The following RFC3 variants were observed in gnomAD, a reference collection of about 807,000 sequenced individuals.
The protein encoded by RFC3 is A1 38 kDa subunit.
RFC3 carries 41 observed loss-of-function variants against 45.1 expected under a neutral mutation model. The ratio of observed to expected loss-of-function variants is 0.91; its 90% CI spans 0.71 to 1.18. The LOEUF (loss-of-function observed/expected upper bound fraction) is 1.18. Ranked by LOEUF, RFC3 falls within the 50% of genes most tolerant of loss-of-function variation. The probability of loss-of-function intolerance (pLI) is 0.00; values close to 1 mark genes in which losing one functional copy is unlikely to be tolerated. For synonymous variants in RFC3, 149 were observed against 144.0 expected (o/e 1.03, Z -0.25); for missense variants, 423 against 428.1 (o/e 0.99, Z 0.10).
rs1238744866 is a variant in RFC3, at chr13:33,835,170, C to T, written c.832C>T (p.Leu278=). 1.2e-6 allele frequency: 2 copies of T among 1,608,970 alleles called. No individual in the cohort carries two copies. The highest frequency in any genetic ancestry group is 1.7e-6 in the Non-Finnish European group (2 of 1,175,786). The change falls in exon 8 of 9, where the codon CTG becomes TTG. Residue 278 remains leucine, a synonymous_variant. Coordinates refer to ENST00000380071, the MANE Select transcript of RFC3 (RefSeq NM_002915.4). The part of the protein sequence containing the change: ...PQRLLEVRGR[L]YELLTHCIPP... ...TAGGCTCCTTGAAGTTCGTGGAAGG[C>T]TGTATGAGCTTCTAACTCATTGTAT... is the stretch of plus-strand genomic sequence containing the variant.
At chr13:33,855,790 T>C (rs2137520333) in intron 8 of RFC3, among the ~76,000 whole-genome samples, 1 of 152,322 alleles carries the variant, frequency 6.6e-6, no homozygotes, top group Non-Finnish European at 1.5e-5. Flanking sequence ...GAAAAGTGTC[T>C]GTTCATGTCC....
intron 8 of RFC3, among the ~76,000 whole-genome samples, chr13:33,910,568 G>A (rs1831531885): frequency 6.6e-6 from 1 of 152,074 alleles, no homozygotes; most frequent in African/African-American, 2.4e-5. Flanking sequence ...TGGAAGACAT[G>A]GCACTTGAGT....
chr13:33,874,677 A>G (rs552880407), intron 8 of RFC3, among the ~76,000 whole-genome samples: 21 of 152,266 alleles, frequency 1.4e-4, no homozygotes, highest in Non-Finnish European at 2.1e-4. Context: ...GAGCTCTATG[A>G]TTGGAAGTAG....
At chr13:33,968,334 G>T (rs188327578), downstream of RFC3, among the ~76,000 whole-genome samples, 1 of 152,104 alleles carries the variant, frequency 6.6e-6, no homozygotes, top group Admixed American at 6.6e-5. Flanking sequence ...CACAATGTTG[G>T]CCAGGCTGGT....
chr13:33,832,470 C>G (rs143361127), intron 7 of RFC3, among the ~76,000 whole-genome samples: 53 of 152,178 alleles, frequency 3.5e-4, no homozygotes, highest in African/African-American at 1.3e-3. Flanking sequence ...AACATGTATT[C>G]CCTGGTTACC....
chr13:33,887,122 T>C (rs1301620237), intron 8 of RFC3, among the ~76,000 whole-genome samples: 2 of 145,548 alleles, frequency 1.4e-5, no homozygotes, highest in African/African-American at 2.6e-5. Flanking sequence ...TATAGCAGCA[T>C]GATTTATAGT....
chr13:33,880,007 G>A (rs1471803752), intron 8 of RFC3, among the ~76,000 whole-genome samples: 1 of 152,106 alleles, frequency 6.6e-6, no homozygotes, highest in African/African-American at 2.4e-5. Context: ...CACTTATAAG[G>A]AACCTTGTGA....
At chr13:33,907,366 T>TA (rs1353135618) in intron 8 of RFC3, among the ~76,000 whole-genome samples, 1 of 152,108 alleles carries the variant, frequency 6.6e-6, no homozygotes, top group Non-Finnish European at 1.5e-5. Flanking sequence ...TTAAAAATAA[T>TA]AAATCCTAGA....
chr13:33,835,529 G>A (rs878979457), intron 8 of RFC3: 2 of 521,330 alleles, frequency 3.8e-6, no homozygotes, highest in South Asian at 1.6e-5. Context: ...GGAGGGTGGG[G>A]CTACAAAGAA....
In RFC3 at chr13:33,831,461, A is replaced by G. The variant is rs1040406687; in HGVS notation, c.809+107A>G. The G allele has an allele frequency of 2.0e-5, 13 of 637,582 alleles. No homozygotes were observed. The Admixed American group carries it at 3.5e-4, about 17-fold the overall frequency. 39.5% of individuals were successfully genotyped at this position (637,582 alleles called of 1,614,324 possible). A position where few individuals can be genotyped will look rare whatever the true frequency, so the allele number is the denominator to read the frequency against. On this transcript the variant is annotated intron_variant, in intron 7 of 8. Coordinates refer to ENST00000380071, the MANE Select transcript of RFC3 (RefSeq NM_002915.4). Reference sequence around the variant, plus strand: ...ATTTTGAATTATAATTAAATCCTGAATCTATGTATTAACTTTTTAAGGAAA... The same window carrying G: ...ATTTTGAATTATAATTAAATCCTGAGTCTATGTATTAACTTTTTAAGGAAA...
intron 8 of RFC3, among the ~76,000 whole-genome samples, chr13:33,927,141 C>T (rs4943168): frequency 0.11 from 16,013 of 151,396 alleles, 1,130 homozygotes; most frequent in Admixed American, 0.21. Context: ...AGAAAAAGAT[C>T]GGGAGTGGCG....
At chr13:33,908,931 A>G (rs114675890) in intron 8 of RFC3, among the ~76,000 whole-genome samples, 1,886 of 152,148 alleles carry the variant, frequency 0.012, 26 homozygotes, top group African/African-American at 0.043. Flanking sequence ...GGGAGGGTCA[A>G]CATTTGTTGT....
At chr13:33,956,853 G>A (rs77725119) in intron 8 of RFC3, among the ~76,000 whole-genome samples, 2,168 of 152,290 alleles carry the variant, frequency 0.014, 24 homozygotes, top group Non-Finnish European at 0.02. Context: ...TGTTAGTTGC[G>A]AATAGGATAT....
chr13:33,969,607 A>T (rs375631849), downstream of RFC3, among the ~76,000 whole-genome samples: 16 of 152,202 alleles, frequency 1.1e-4, no homozygotes, highest in African/African-American at 3.6e-4. Context: ...CACAGTGGAA[A>T]TGGAGGGCTG....
intron 8 of RFC3, among the ~76,000 whole-genome samples, chr13:33,962,071 A>G (rs926009798): frequency 5.9e-5 from 9 of 152,164 alleles, no homozygotes; most frequent in African/African-American, 2.2e-4. Flanking sequence ...CTGGCTGTAC[A>G]AAGTGATGGT....
intron 5 of RFC3, 50 bp downstream of exon 5, chr13:33,830,067 AAT>A: frequency 2.0e-6 from 3 of 1,480,060 alleles, no homozygotes; most frequent in Non-Finnish European, 2.8e-6. Context: ...AGATTCTCTG[AAT>A]ATTGTATGCT....
rs145199503 is a variant in RFC3 at position 33,928,726 on chromosome 13, C to T, written c.880-37361C>T. 1.7e-3 allele frequency among the ~76,000 whole-genome samples: 263 copies of T among 152,206 alleles called. 3 individuals carry two copies. The highest frequency in any genetic ancestry group is 6.1e-3 in the African/African-American group (255 of 41,526). ...TAATACAAGTCCAATAGCAGCTTGC[C>T]TGTGTTTAAACCTGTACAGTGTTGA... is the stretch of plus-strand genomic sequence containing the variant. On this transcript the variant is annotated intron_variant, in intron 8 of 8. Transcript: ENST00000434425.
intron 7 of RFC3, 126 bp downstream of exon 7, chr13:33,831,480 A>G (rs2082103588): frequency 1.9e-6 from 1 of 533,256 alleles, no homozygotes; most frequent in African/African-American, 3.0e-5. Flanking sequence ...TTAACTTTTT[A>G]AGGAAAATGT....
intron 8 of RFC3, among the ~76,000 whole-genome samples, chr13:33,852,219 A>T (rs1267547293): frequency 6.6e-6 from 1 of 152,178 alleles, no homozygotes; most frequent in Non-Finnish European, 1.5e-5. Flanking sequence ...GTGTTACTGC[A>T]GGCCTGTCTT....
Sources: allele counts gnomAD v4.1 joint callset (sites outside exome capture counted in the v4.1 genomes callset), GRCh38; gene constraint gnomAD v4.1.1; transcripts MANE v1.5; gene names NCBI Gene and HGNC (gene_info 2026-07-23, HGNC 2026-07-21).